Variants in SPMIP9 observed in about 807,000 individuals in gnomAD.
SPMIP9 encodes protein SPMIP9.
chr2:88,526,456 C>T, the SPMIP9 span: 4 of 1,614,090 alleles, frequency 2.5e-6, no homozygotes, highest in East Asian at 2.2e-5. Context: ...CGACTATCAG[C>T]CCTACAGGAA....
At chr2:88,526,487 C>T in the SPMIP9 span, 2,852 of 1,613,816 alleles carry the variant, frequency 1.8e-3, 21 homozygotes, top group South Asian at 9.5e-3. Context: ...TCCAGGGTCA[C>T]GCCGCAAGAG....
At chr2:88,529,045 T>C in the SPMIP9 span, 1,004 of 1,605,396 alleles carry the variant, frequency 6.3e-4, 4 homozygotes, top group South Asian at 5.9e-3. Context: ...GTGATTTGTT[T>C]CCACAGCAGG....
At chr2:88,526,195 G>C in the SPMIP9 span, among the ~76,000 whole-genome samples, 1 of 152,180 alleles carries the variant, frequency 6.6e-6, no homozygotes, top group African/African-American at 2.4e-5. Context: ...GCACATGCCA[G>C]GCCCATGCAA....
At chr2:88,525,049 C>T in the SPMIP9 span, among the ~76,000 whole-genome samples, 1 of 152,156 alleles carries the variant, frequency 6.6e-6, no homozygotes, top group East Asian at 1.9e-4. Flanking sequence ...CTTTCTTCAC[C>T]TTGGATACTC....
chr2:88,526,536 C>A, the SPMIP9 span: 7 of 1,468,702 alleles, frequency 4.8e-6, no homozygotes, highest in African/African-American at 7.0e-5. Context: ...AATCAACTGC[C>A]TACTGAAATC....
At chr2:88,525,263 C>T in the SPMIP9 span, among the ~76,000 whole-genome samples, 1 of 152,206 alleles carries the variant, frequency 6.6e-6, no homozygotes, top group Non-Finnish European at 1.5e-5. Context: ...AGCATTTACA[C>T]CACAGAAATT....
the SPMIP9 span, chr2:88,529,327 T>G: frequency 1.2e-6 from 2 of 1,614,026 alleles, no homozygotes; most frequent in South Asian, 1.1e-5. Flanking sequence ...GTGCTGACTT[T>G]CCGTGCCTCG....
the SPMIP9 span, chr2:88,526,392 C>T: frequency 6.3e-7 from 1 of 1,596,448 alleles, no homozygotes; most frequent in East Asian, 2.2e-5. Flanking sequence ...TTTATATTCT[C>T]CTTGTGCTTT....
At chr2:88,525,770 C>A in the SPMIP9 span, 5 of 1,207,100 alleles carry the variant, frequency 4.1e-6, no homozygotes, top group Non-Finnish European at 6.0e-6. Context: ...GCTCATCTTT[C>A]TGTAATGATA....
chr2:88,528,710 ATAT>A, the SPMIP9 span, among the ~76,000 whole-genome samples: 2 of 152,226 alleles, frequency 1.3e-5, no homozygotes, highest in Non-Finnish European at 1.5e-5. Flanking sequence ...ATGGAATATA[ATAT>A]TCATCATTTC....
the SPMIP9 span, chr2:88,526,303 C>T: frequency 6.8e-6 from 6 of 886,224 alleles, no homozygotes; most frequent in African/African-American, 9.9e-5. Context: ...TGTCAGGCCC[C>T]AAAGTCGGCC....
chr2:88,525,587 T>C, the SPMIP9 span: 10 of 1,611,652 alleles, frequency 6.2e-6, no homozygotes, highest in Non-Finnish European at 8.5e-6. Context: ...TAGTGGCTAC[T>C]TTCCTTGTCT....
At chr2:88,526,758 G>A in the SPMIP9 span, among the ~76,000 whole-genome samples, 1 of 151,878 alleles carries the variant, frequency 6.6e-6, no homozygotes, top group Admixed American at 6.6e-5. Flanking sequence ...TCTGCCGCCT[G>A]CCTGGATTCA....
chr2:88,526,972 G>A, the SPMIP9 span, among the ~76,000 whole-genome samples: 1 of 152,110 alleles, frequency 6.6e-6, no homozygotes, highest in Non-Finnish European at 1.5e-5. Context: ...GGCCATGTGT[G>A]TATGTTTTCA....
the SPMIP9 span, chr2:88,529,480 A>G: frequency 1.2e-6 from 2 of 1,605,712 alleles, no homozygotes; most frequent in South Asian, 1.1e-5. Context: ...AGTAGGAAGG[A>G]TGAAAATACC....
chr2:88,526,972 G>GT, the SPMIP9 span, among the ~76,000 whole-genome samples: 1 of 152,110 alleles, frequency 6.6e-6, no homozygotes, highest in African/African-American at 2.4e-5. Flanking sequence ...GGCCATGTGT[G>GT]TATGTTTTCA....
At chr2:88,525,862 G>A in the SPMIP9 span, among the ~76,000 whole-genome samples, 16 of 151,776 alleles carry the variant, frequency 1.1e-4, no homozygotes, top group African/African-American at 3.9e-4. Context: ...ATTTTCTGGG[G>A]GTTCAGTTAT....
At chr2:88,528,962 G>T in the SPMIP9 span, 1 of 1,313,016 alleles carries the variant, frequency 7.6e-7, no homozygotes, top group Non-Finnish European at 1.0e-6. Context: ...AAATAAAGAA[G>T]GGTGTGCTCT....
chr2:88,526,422 CAT>C, the SPMIP9 span: 1 of 1,613,758 alleles, frequency 6.2e-7, no homozygotes, highest in Non-Finnish European at 8.5e-7. Flanking sequence ...TGGATTTAGA[CAT>C]ATACCAAAGC....
Sources: allele counts gnomAD v4.1 joint callset (sites outside exome capture counted in the v4.1 genomes callset), GRCh38; gene constraint gnomAD v4.1.1; transcripts MANE v1.5; gene names NCBI Gene and HGNC (gene_info 2026-07-23, HGNC 2026-07-21).